Variants in PECR observed in about 807,000 individuals in gnomAD.
The protein encoded by PECR is peroxisomal trans-2-enoyl-CoA reductase, also known as 2,4-dienoyl-CoA reductase-related protein.
PECR carries 30 observed loss-of-function variants against 35.3 expected under a neutral mutation model. The ratio of observed to expected loss-of-function variants is 0.85; its 90% CI spans 0.64 to 1.15. The LOEUF (loss-of-function observed/expected upper bound fraction) is 1.15. Ranked by LOEUF, PECR falls within the 50% of genes most tolerant of loss-of-function variation. PECR has a pLI of 0.00. For synonymous variants in PECR, 148 were observed against 138.9 expected (o/e 1.07, Z -0.46); for missense variants, 392 against 370.8 (o/e 1.06, Z -0.47).
intron 5 of PECR, among the ~76,000 whole-genome samples, chr2:216,050,627 G>GCC (rs1695095012): frequency 6.6e-6 from 1 of 152,228 alleles, no homozygotes; most frequent in South Asian, 2.1e-4. Flanking sequence ...GATAGGCTGG[G>GCC]CGCAGTGGCT....
chr2:216,051,281 C>CAAAAAAA (rs147574036), intron 5 of PECR, among the ~76,000 whole-genome samples, 168 bp downstream of exon 5: 1 of 93,166 alleles, frequency 1.1e-5, no homozygotes. Flanking sequence ...GACTCCATCT[C>CAAAAAAA]AAAAAAAAAA....
intron 4 of PECR, among the ~76,000 whole-genome samples, chr2:216,054,940 G>A (rs948786004): frequency 6.6e-6 from 1 of 151,046 alleles, no homozygotes; most frequent in Non-Finnish European, 1.5e-5. Context: ...GTGAAACCCC[G>A]TCACTACTAA....
At chr2:216,055,930 T>C (rs1398481123) in intron 4 of PECR, among the ~76,000 whole-genome samples, 1 of 152,202 alleles carries the variant, frequency 6.6e-6, no homozygotes, top group Non-Finnish European at 1.5e-5. Context: ...AATGTCTCAT[T>C]GACTTGCCTT....
chr2:216,046,519 C>T (rs1413690556), intron 6 of PECR, among the ~76,000 whole-genome samples: 1 of 151,744 alleles, frequency 6.6e-6, no homozygotes, highest in Non-Finnish European at 1.5e-5. Flanking sequence ...GCCATGTTGG[C>T]CAGGCTGATC....
chr2:216,067,184 T>C (rs1478145636), intron 1 of PECR, among the ~76,000 whole-genome samples: 1 of 152,012 alleles, frequency 6.6e-6, no homozygotes, highest in Non-Finnish European at 1.5e-5. Flanking sequence ...GGCAGTGAGA[T>C]TGCCCAGGGG....
At chr2:216,060,615 C>T (rs909658024) in intron 3 of PECR, among the ~76,000 whole-genome samples, 1 of 152,058 alleles carries the variant, frequency 6.6e-6, no homozygotes, top group African/African-American at 2.4e-5. Flanking sequence ...GTGGGCTATG[C>T]AGCCTTGAAC....
chr2:216,052,140 C>A (rs1042266429), intron 4 of PECR, among the ~76,000 whole-genome samples: 1 of 152,188 alleles, frequency 6.6e-6, no homozygotes, highest in African/African-American at 2.4e-5. Context: ...AAGCTGTTAT[C>A]ACACCACTGC....
chr2:216,065,193 T>C (rs1695438476), intron 3 of PECR, 119 bp downstream of exon 3: 1 of 790,478 alleles, frequency 1.3e-6, no homozygotes, highest in Non-Finnish European at 2.3e-6. Flanking sequence ...CATTCCTATG[T>C]TGTAAGTGAG....
intron 4 of PECR, among the ~76,000 whole-genome samples, chr2:216,053,754 G>GT (rs1353620745): frequency 6.6e-6 from 1 of 152,088 alleles, no homozygotes; most frequent in Non-Finnish European, 1.5e-5. Context: ...TTCAGTGCCT[G>GT]TTATCTAAGG....
Position 216,044,356 on chromosome 2 carries a change from T to G in PECR, c.715-341A>C, listed in dbSNP as rs139872384. Among the ~76,000 whole-genome samples the G allele has an allele frequency of 4.6e-3, 699 of 152,328 alleles. 8 individuals carry two copies. Among genetic ancestry groups the G allele is most frequent in the African/African-American group, 0.016 (670 of 41,568 alleles). On this transcript the variant is annotated intron_variant, in intron 6 of 7. Transcript: ENST00000265322. Reference sequence around the variant, plus strand: ...TCCCATTTCAAACAATTCACTTCCTTCCATGCCTTTCATTGTCCTCCACAA... The same window carrying G: ...TCCCATTTCAAACAATTCACTTCCTGCCATGCCTTTCATTGTCCTCCACAA...
intron 1 of PECR, among the ~76,000 whole-genome samples, chr2:216,072,983 A>C (rs1413805276): frequency 2.0e-5 from 3 of 152,218 alleles, no homozygotes; most frequent in Non-Finnish European, 4.4e-5. Context: ...CAATTTTAAA[A>C]ACTATGTTTA....
At chr2:216,030,927 T>TTCTC (rs113417580) in intron 7 of PECR, among the ~76,000 whole-genome samples, 43 of 130,938 alleles carry the variant, frequency 3.3e-4, no homozygotes, top group African/African-American at 7.8e-4. Flanking sequence ...ATGAGGCCCA[T>TTCTC]TCTCTCTCTC....
At chr2:216,070,953 C>T (rs828905) in intron 1 of PECR, among the ~76,000 whole-genome samples, 32,521 of 152,178 alleles carry the variant, frequency 0.21, 4,243 homozygotes, top group Non-Finnish European at 0.3. Flanking sequence ...TACCCTCCAG[C>T]GGTATACTGA....
In PECR at chr2:216,058,908, A is replaced by G; in HGVS notation, c.493T>C (p.Phe165Leu). 1.3e-6 allele frequency: 2 copies of G among 1,598,774 alleles called. No homozygotes were observed. Among genetic ancestry groups the G allele is most frequent in the South Asian group, 2.2e-5 (2 of 90,710 alleles). The part of the protein sequence containing the change: ...VNIIVPTKAG[F>L]PLAVHSGAAR... The stretch of plus-strand genomic sequence containing the variant: ...AAAAACGCTTACACAGCTAATGGAA[A>G]TCCAGCTTTAGTAGGGACAATGATA... The change falls in exon 4 of 8, where the codon TTT (phenylalanine) becomes CTT (leucine). Residue 165 changes from phenylalanine (F) to leucine (L), a missense_variant. Transcript: ENST00000265322.
chr2:216,042,924 CTG>C (rs958147384), intron 7 of PECR, among the ~76,000 whole-genome samples: 2 of 139,186 alleles, frequency 1.4e-5, no homozygotes, highest in African/African-American at 5.4e-5. Flanking sequence ...ACCCGACTAA[CTG>C]TTATATATAT....
chr2:216,061,335 AAAAAAAAAG>A (rs1559214576), intron 3 of PECR, among the ~76,000 whole-genome samples: 27 of 135,754 alleles, frequency 2.0e-4, no homozygotes, highest in South Asian at 4.5e-4. Context: ...AAAAAAAAAA[AAAAAAAAAG>A]GAACCTAAAC....
downstream of PECR, among the ~76,000 whole-genome samples, chr2:216,035,453 G>T (rs1694778052): frequency 6.6e-6 from 1 of 151,330 alleles, no homozygotes; most frequent in Admixed American, 6.6e-5. Context: ...TACTCAATCT[G>T]GGTGTCAGCC....
chr2:216,033,081 A>G (rs1694735199), intron 7 of PECR: 2 of 152,180 alleles, frequency 1.3e-5, no homozygotes, highest in Admixed American at 1.3e-4. Flanking sequence ...TAGTTGGGGA[A>G]CTTCTAAACT....
At chr2:216,040,171 T>C (rs1694862455) in intron 7 of PECR, among the ~76,000 whole-genome samples, 1 of 152,230 alleles carries the variant, frequency 6.6e-6, no homozygotes, top group Admixed American at 6.5e-5. Context: ...AAGTCTTACC[T>C]GTTTTTCAGT....
Sources: gnomAD v4.1 joint callset for allele counts (sites outside exome capture counted in the v4.1 genomes callset) on GRCh38, gnomAD v4.1.1 for gene constraint, MANE v1.5 for transcripts, NCBI Gene and HGNC (gene_info 2026-07-23, HGNC 2026-07-21) for gene names.